The following MIS18BP1 variants were observed in gnomAD, a reference collection of about 807,000 sequenced individuals.
MIS18BP1 encodes the protein MIS18 binding protein 1.
In MIS18BP1, 72 loss-of-function variants were observed where a neutral mutation model predicts 116.1. The ratio of observed to expected loss-of-function variants is 0.62; its 90% CI spans 0.51 to 0.75. The LOEUF (loss-of-function observed/expected upper bound fraction) is 0.75, where lower values mean the gene tolerates loss of function less well. Among genes scored for constraint, MIS18BP1 ranks in the 30% least tolerant of loss-of-function variants. The probability of loss-of-function intolerance (pLI) is 0.00; values close to 1 mark genes in which losing one functional copy is unlikely to be tolerated. For synonymous variants in MIS18BP1, 386 were observed against 427.0 expected (o/e 0.90, Z 1.18); for missense variants, 1,363 against 1,303.2 (o/e 1.05, Z -0.71).
At chr14:45,247,804 C>T (rs1891762516) in intron 1 of MIS18BP1, among the ~76,000 whole-genome samples, 1 of 152,034 alleles carries the variant, frequency 6.6e-6, no homozygotes, top group Admixed American at 6.6e-5. Context: ...TCCCTTTAGG[C>T]AGTTAAATTT....
intron 12 of MIS18BP1, among the ~76,000 whole-genome samples, chr14:45,217,607 T>C (rs914747930): frequency 6.7e-6 from 1 of 149,190 alleles, no homozygotes; most frequent in Non-Finnish European, 1.5e-5. Context: ...GATCTTCTCT[T>C]TTTTTTTTTG....
chr14:45,218,038 T>A (rs1890870753), intron 12 of MIS18BP1, among the ~76,000 whole-genome samples: 1 of 152,102 alleles, frequency 6.6e-6, no homozygotes. Context: ...GATATTGAAA[T>A]CTCTGGATCT....
At chr14:45,249,835 C>G (rs964224571) in intron 1 of MIS18BP1, among the ~76,000 whole-genome samples, 1 of 152,180 alleles carries the variant, frequency 6.6e-6, no homozygotes, top group Non-Finnish European at 1.5e-5. Flanking sequence ...CGCACCACCA[C>G]TGCACTCCAG....
At chr14:45,251,036 CA>C (rs1230380755) in intron 1 of MIS18BP1, among the ~76,000 whole-genome samples, 4,491 of 59,268 alleles carry the variant, frequency 0.076, 130 homozygotes, top group African/African-American at 0.22. Context: ...GACTCTGCCT[CA>C]AAAAAAAAAA....
chr14:45,224,314 A>G lies in MIS18BP1; in HGVS notation c.2273T>C (p.Val758Ala), dbSNP rs1186281800. Residue 758 changes from valine to alanine, a missense_variant, in exon 11 of 17, where the codon GTA becomes GCA. Val to Ala is a moderately conservative substitution (Grantham distance 64). Transcript: ENST00000310806. ...CTGATGCTTATAAAATGACATAGCT[A>G]CCTGATTTTCTATTTTCTTCAATTT... is the stretch of plus-strand genomic sequence containing the variant. ...LPKLKKIENQ[V>A]AMSFYKHQSS... 6.2e-7 allele frequency: 1 copy of G among 1,613,856 alleles called. No individual in the cohort carries two copies. Among genetic ancestry groups the G allele is most frequent in the Non-Finnish European group, 8.5e-7 (1 of 1,179,936 alleles).
At chr14:45,225,617 A>C (rs1356907754) in intron 10 of MIS18BP1, among the ~76,000 whole-genome samples, 1 of 152,146 alleles carries the variant, frequency 6.6e-6, no homozygotes. Flanking sequence ...ACACACTCAA[A>C]ATGAATCCCC....
At chr14:45,206,988 AT>A (rs1047011712) in intron 14 of MIS18BP1, among the ~76,000 whole-genome samples, 1 of 152,072 alleles carries the variant, frequency 6.6e-6, no homozygotes, top group African/African-American at 2.4e-5. Context: ...TTTCTACAAA[AT>A]TTTATCTTTC....
chr14:45,247,253 A>G lies in MIS18BP1; in HGVS notation c.34T>C (p.Tyr12His), dbSNP rs761351890. The G allele has an allele frequency of 1.3e-6, 2 of 1,590,422 alleles. No homozygotes were observed. Among genetic ancestry groups the G allele is most frequent in the South Asian group, 1.2e-5 (1 of 86,546 alleles). ...TGAGAAGATGCCTCTGGAGGTAAGT[A>G]AATTCTTGAATGTTTCAAAGGTGTT... ...IATPLKHSRI[Y>H]LPPEASSQRR... Residue 12 changes from tyrosine (Y) to histidine (H), a missense_variant, in exon 2 of 17, where the codon TAC becomes CAC. By Grantham distance (83) the Tyr-to-His change is moderately conservative (BLOSUM62 2). Coordinates refer to ENST00000310806, the MANE Select transcript of MIS18BP1 (RefSeq NM_018353.5).
intron 13 of MIS18BP1, among the ~76,000 whole-genome samples, chr14:45,214,221 TC>T (rs1162386261): frequency 6.6e-6 from 1 of 152,212 alleles, no homozygotes; most frequent in Non-Finnish European, 1.5e-5. Context: ...TGTCTCCTGC[TC>T]GTCCCTGGGC....
chr14:45,246,046 T>C (rs1470655540), intron 2 of MIS18BP1, among the ~76,000 whole-genome samples: 1 of 152,222 alleles, frequency 6.6e-6, no homozygotes, highest in Non-Finnish European at 1.5e-5. Context: ...GGCTGTCATC[T>C]GGCTTACTGC....
At chr14:45,216,782 T>C (rs1367602930) in intron 13 of MIS18BP1, among the ~76,000 whole-genome samples, 2 of 152,214 alleles carry the variant, frequency 1.3e-5, no homozygotes, top group Non-Finnish European at 2.9e-5. Context: ...CACCTAATTC[T>C]AGGTTTACTT....
intron 5 of MIS18BP1, among the ~76,000 whole-genome samples, chr14:45,236,373 CA>C (rs1315403308): frequency 3.9e-5 from 6 of 152,006 alleles, no homozygotes; most frequent in Non-Finnish European, 7.4e-5. Context: ...GCTATACAGC[CA>C]AATGTTTTTA....
intron 16 of MIS18BP1, 32 bp from the exon 17 acceptor site, chr14:45,204,244 A>C (rs780700793): frequency 1.3e-6 from 2 of 1,566,162 alleles, no homozygotes; most frequent in South Asian, 1.2e-5. Context: ...AAAGATAATA[A>C]ATTTCTAAAA....
Position 45,224,688 on chromosome 14 carries a change from G to GA in MIS18BP1, c.1898dup (p.Ser634LeufsTer3). 1 of 1,609,198 alleles carries GA rather than the reference G, an allele frequency of 6.2e-7. No homozygotes were observed. Among genetic ancestry groups the GA allele is most frequent in the Non-Finnish European group, 8.5e-7 (1 of 1,178,744 alleles). On this transcript the variant is annotated frameshift_variant, in exon 11 of 17. Transcript: ENST00000310806. LOFTEE classifies it high-confidence loss of function. Reference sequence around the variant, plus strand: ...CCATGTATTTTCTTTCTTCATCTGAGAAAAACTGTTCCCTTGAGGTTAGAA... The same window carrying GA: ...CCATGTATTTTCTTTCTTCATCTGAGAAAAAACTGTTCCCTTGAGGTTAGAA...
chr14:45,217,726 G>A (rs966415019), intron 12 of MIS18BP1, among the ~76,000 whole-genome samples: 2 of 151,798 alleles, frequency 1.3e-5, no homozygotes, highest in Admixed American at 1.3e-4. Flanking sequence ...ATGAGCCACC[G>A]TGCCTGGCCA....
rs781615108 is a variant in MIS18BP1 at position 45,217,081 on chromosome 14, A to G, written c.2941T>C (p.Leu981=). 26 of 1,614,036 alleles carry G rather than the reference A, an allele frequency of 1.6e-5. No individual in the cohort carries two copies. In the East Asian group the frequency reaches 4.2e-4, roughly 26 times the overall value. ...KQQMREFLEQ[L]PKDDHDDFFS... is the part of the protein sequence containing the mutation. ...AAATCATCATGGTCATCTTTTGGCA[A>G]CTGTTCCAGAAATTCCCTCATCTGT... Residue 981 remains leucine, a synonymous_variant, in exon 13 of 17, where the codon TTG becomes CTG. Coordinates refer to ENST00000310806, the MANE Select transcript of MIS18BP1 (RefSeq NM_018353.5).
intron 2 of MIS18BP1, among the ~76,000 whole-genome samples, chr14:45,245,164 T>G (rs1160143863): frequency 2.0e-5 from 3 of 152,174 alleles, no homozygotes; most frequent in Non-Finnish European, 4.4e-5. Context: ...CCACCAAAGC[T>G]GCCCTCCATC....
chr14:45,210,661 A>T, intron 13 of MIS18BP1, 133 bp from the exon 14 acceptor site: 1 of 1,060,840 alleles, frequency 9.4e-7, no homozygotes, highest in Non-Finnish European at 1.4e-6. Context: ...AAACAGTAGT[A>T]CGTAGAGGAG....
At chr14:45,231,336 T>C (rs1451214877) in intron 7 of MIS18BP1, 38 bp from the exon 8 acceptor site, 3 of 1,496,006 alleles carry the variant, frequency 2.0e-6, no homozygotes, top group Admixed American at 2.3e-5. Flanking sequence ...TTAATACTGA[T>C]TCTCAAAAAA....
Sources: allele counts gnomAD v4.1 joint callset (sites outside exome capture counted in the v4.1 genomes callset), GRCh38; gene constraint gnomAD v4.1.1; transcripts MANE v1.5; gene names NCBI Gene and HGNC (gene_info 2026-07-23, HGNC 2026-07-21).